Variants in DENND2B observed in about 807,000 individuals in gnomAD.
The protein encoded by DENND2B is DENN domain-containing protein 2B.
Under a neutral mutation model 116.0 loss-of-function variants are expected in DENND2B, and 32 were observed. That is an observed-to-expected ratio of 0.28 (90% CI 0.21 to 0.37). The LOEUF (loss-of-function observed/expected upper bound fraction) is 0.37, where lower values mean the gene tolerates loss of function less well. Ranked by LOEUF, DENND2B falls within the 10% of genes least tolerant of loss-of-function variation. The pLI, the probability that DENND2B is intolerant of heterozygous loss-of-function variation, is 1.00. For synonymous variants in DENND2B, 588 were observed against 583.9 expected (o/e 1.01, Z -0.10); for missense variants, 1,276 against 1,477.7 (o/e 0.86, Z 2.24).
At chr11:8,700,169 TCAGGC>T (rs1227032234) in intron 14 of DENND2B, among the ~76,000 whole-genome samples, 3 of 151,122 alleles carry the variant, frequency 2.0e-5, no homozygotes, top group Admixed American at 1.3e-4. Context: ...GCCACTAAGG[TCAGGC>T]CAGGCCAGGG....
At chr11:8,810,798 T>TTCTCTCTCTCTCTCTCTCTCTC, upstream of DENND2B, 1 of 134,848 alleles carries the variant, frequency 7.4e-6, no homozygotes, top group Admixed American at 7.0e-5. Context: ...TTTTCTTTCT[T>TTCTCTCTCTCTCTCTCTCTCTC]TCTCACTGTC....
intron 1 of DENND2B, among the ~76,000 whole-genome samples, chr11:8,758,377 T>G (rs938314121): frequency 3.9e-5 from 6 of 152,144 alleles, no homozygotes; most frequent in Non-Finnish European, 8.8e-5. Context: ...GCATTACCAA[T>G]GGCTCATCTA....
intron 4 of DENND2B, among the ~76,000 whole-genome samples, chr11:8,722,432 C>G (rs2046348445): frequency 1.3e-5 from 2 of 152,232 alleles, no homozygotes; most frequent in African/African-American, 2.4e-5. Flanking sequence ...AGTCATCCTT[C>G]ACCCCACAGA....
At chr11:8,750,810 G>T in intron 1 of DENND2B, 85 bp from the exon 2 acceptor site, 1 of 1,221,466 alleles carries the variant, frequency 8.2e-7, no homozygotes. Context: ...CTCCAAAAGT[G>T]CCAAGAGGGT....
Position 8,894,959 on chromosome 11 carries a change from T to C in DENND2B, c.-255-13850A>G, listed in dbSNP as rs944082034. Among the ~76,000 whole-genome samples, 9 of 152,164 alleles carry C rather than the reference T, an allele frequency of 5.9e-5. No homozygotes were observed. The South Asian group carries it at 6.2e-4, about 11-fold the overall frequency. ...AAAGACACATGCACACGTATGTTTATTGCGGCACTATTCACAATAGCAAAG... is the reference window on the plus strand; with the variant it reads ...AAAGACACATGCACACGTATGTTTACTGCGGCACTATTCACAATAGCAAAG... On this transcript the variant is annotated intron_variant, in intron 1 of 22. Coordinates refer to the DENND2B transcript ENST00000534127.
At chr11:8,816,565 A>C (rs2061575321) in intron 4 of DENND2B, among the ~76,000 whole-genome samples, 1 of 151,668 alleles carries the variant, frequency 6.6e-6, no homozygotes, top group African/African-American at 2.4e-5. Context: ...AAAAAAAAAA[A>C]AGGTGGGGGG....
At chr11:8,809,910 C>T (rs1174043170) in intron 1 of DENND2B, 1 of 151,766 alleles carries the variant, frequency 6.6e-6, no homozygotes, top group Non-Finnish European at 1.5e-5. Flanking sequence ...GGGAGGACAG[C>T]TTGATTCTTA....
At chr11:8,722,807 T>C (rs1319067110) in intron 4 of DENND2B, among the ~76,000 whole-genome samples, 1 of 152,096 alleles carries the variant, frequency 6.6e-6, no homozygotes, top group Admixed American at 6.5e-5. Context: ...AAACATCCGA[T>C]GCAGTATATT....
chr11:8,757,739 A>G (rs2053862993), intron 1 of DENND2B, among the ~76,000 whole-genome samples: 1 of 152,236 alleles, frequency 6.6e-6, no homozygotes, highest in African/African-American at 2.4e-5. Flanking sequence ...AAACCAAGAT[A>G]GAGAGCAGTT....
chr11:8,757,068 G>T (rs1295494280), intron 1 of DENND2B: 14 of 456,140 alleles, frequency 3.1e-5, no homozygotes, highest in Admixed American at 3.1e-4. Flanking sequence ...TCTACAAACT[G>T]CATCCAGACA....
At chr11:8,733,585 T>C (rs1317061167) in intron 2 of DENND2B, among the ~76,000 whole-genome samples, 9 of 152,168 alleles carry the variant, frequency 5.9e-5, no homozygotes, top group Admixed American at 5.9e-4. Flanking sequence ...AAACTATACA[T>C]GCCTCACCTG....
At position 8,868,883 on chromosome 11, in the gene DENND2B, T is replaced by A. The variant is rs906851287; in HGVS notation, c.-250+2071A>T. ...CTTGAGCTTTATAATTCTTAGATTCTAAGCCAAGTTTGTCCAACCTGCGGC... is the reference window on the plus strand; with the variant it reads ...CTTGAGCTTTATAATTCTTAGATTCAAAGCCAAGTTTGTCCAACCTGCGGC... On this transcript the variant is annotated intron_variant, in intron 2 of 6. Coordinates refer to the DENND2B transcript ENST00000524757. 5.3e-5 allele frequency among the ~76,000 whole-genome samples: 8 copies of A among 152,360 alleles called. 1 individual carries two copies. In the South Asian group the frequency reaches 1.4e-3, roughly 28 times the overall value.
At chr11:8,791,700 G>C (rs2059393760) in intron 1 of DENND2B, among the ~76,000 whole-genome samples, 1 of 151,802 alleles carries the variant, frequency 6.6e-6, no homozygotes, top group Non-Finnish European at 1.5e-5. Context: ...CTGGGAGGAG[G>C]AGGTTGCATG....
chr11:8,813,821 C>G (rs139949672), upstream of DENND2B, among the ~76,000 whole-genome samples: 29 of 152,186 alleles, frequency 1.9e-4, no homozygotes, highest in Admixed American at 8.5e-4. Context: ...GGGGAAGGGA[C>G]AAAGGAAGGG....
chr11:8,717,674 T>G (rs778518493), intron 5 of DENND2B, 67 bp downstream of exon 5: 17 of 1,471,752 alleles, frequency 1.2e-5, no homozygotes, highest in African/African-American at 1.4e-5. Context: ...GGCCCAAGTC[T>G]TGGAAGAGCA....
intron 2 of DENND2B, among the ~76,000 whole-genome samples, chr11:8,732,417 C>T (rs1032576557): frequency 1.7e-4 from 26 of 152,228 alleles, no homozygotes; most frequent in Admixed American, 8.5e-4. Flanking sequence ...TTCCACTACA[C>T]TGGGCTGACT....
upstream of DENND2B, chr11:8,811,067 A>T (rs1594051694): frequency 7.9e-6 from 3 of 378,932 alleles, no homozygotes; most frequent in Non-Finnish European, 4.7e-6. Flanking sequence ...GCCAGGGGGG[A>T]GGGAGCTAGC....
At chr11:8,796,898 T>G (rs1285982404) in intron 1 of DENND2B, among the ~76,000 whole-genome samples, 1 of 152,296 alleles carries the variant, frequency 6.6e-6, no homozygotes, top group Middle Eastern at 3.4e-3. Flanking sequence ...CAGTTGTTTA[T>G]ATGGACTCGC....
At chr11:8,893,171 GA>G (rs2064055546) in intron 1 of DENND2B, among the ~76,000 whole-genome samples, 1 of 152,166 alleles carries the variant, frequency 6.6e-6, no homozygotes, top group African/African-American at 2.4e-5. Context: ...AATAGATGCA[GA>G]AAAGGCCTTT....
Sources: gnomAD v4.1 joint callset for allele counts (sites outside exome capture counted in the v4.1 genomes callset) on GRCh38, gnomAD v4.1.1 for gene constraint, MANE v1.5 for transcripts, NCBI Gene and HGNC (gene_info 2026-07-23, HGNC 2026-07-21) for gene names.